VPS13D: variants seen among roughly 807,000 people sequenced by gnomAD.
VPS13D encodes intermembrane lipid transfer protein VPS13D.
In VPS13D, 187 loss-of-function variants were observed where a neutral mutation model predicts 461.9. That is an observed-to-expected ratio of 0.40 (90% CI 0.36 to 0.46). The LOEUF is 0.46. VPS13D is among the 20% of genes least tolerant of loss of function. The pLI is 0.60. For missense variants in VPS13D, 4,711 were observed against 5,364.9 expected (o/e 0.88, Z 3.81); for synonymous variants, 1,951 against 1,986.3 (o/e 0.98, Z 0.47).
chr1:12,249,939 C>T (rs1640681570), intron 6 of VPS13D, among the ~76,000 whole-genome samples: 2 of 152,152 alleles, frequency 1.3e-5, no homozygotes, highest in Non-Finnish European at 2.9e-5. Flanking sequence ...GGCTTAGTCC[C>T]ATAGGACCGC....
rs1375629806 is a variant in VPS13D, at chr1:12,244,431, T to C, written c.361T>C (p.Trp121Arg). The change falls in exon 4 of 70, where the codon TGG becomes CGG. Residue 121 changes from tryptophan (W) to arginine (R), a missense_variant. By Grantham distance (101) the Trp-to-Arg change is moderately radical. This residue lies in a region of VPS13D where 4,411 missense variants were observed against 4,937.8 expected (regional missense o/e 0.89). Transcript: ENST00000620676. ...KALLQALEEK[W>R]KNDRQQKGES... Reference sequence around the variant, plus strand: ...ACTACTTCAAGCCCTGGAGGAGAAATGGAAGGCAAGGCAGAGATCTTCTGG... The same window carrying C: ...ACTACTTCAAGCCCTGGAGGAGAAACGGAAGGCAAGGCAGAGATCTTCTGG... 1.2e-6 allele frequency: 2 copies of C among 1,613,832 alleles called. No homozygotes were observed. The highest frequency in any genetic ancestry group is 1.7e-6 in the Non-Finnish European group (2 of 1,179,950).
intron 22 of VPS13D, 143 bp downstream of exon 22, chr1:12,288,456 G>A: frequency 1.4e-6 from 1 of 709,974 alleles, no homozygotes; most frequent in Non-Finnish European, 2.4e-6. Flanking sequence ...CAGGATTCAT[G>A]GTGGTGGTTC....
chr1:12,443,487 G>A (rs547840311), intron 65 of VPS13D, among the ~76,000 whole-genome samples: 3 of 152,350 alleles, frequency 2.0e-5, no homozygotes, highest in Admixed American at 2.0e-4. Context: ...CATTATGGGA[G>A]TTACTTGATT....
At chr1:12,404,368 C>T (rs1007468539) in intron 63 of VPS13D, among the ~76,000 whole-genome samples, 3 of 151,972 alleles carry the variant, frequency 2.0e-5, no homozygotes, top group African/African-American at 4.8e-5. Flanking sequence ...TTTTTGTGCC[C>T]GAGGCCTGCT....
intron 31 of VPS13D, 69 bp downstream of exon 31, chr1:12,318,406 A>T: frequency 2.0e-6 from 3 of 1,533,664 alleles, no homozygotes; most frequent in Non-Finnish European, 2.6e-6. Context: ...GCCTTACAGG[A>T]TGATTGCTCT....
intron 17 of VPS13D, 106 bp downstream of exon 17, chr1:12,271,230 T>C (rs1054323019): frequency 2.9e-6 from 4 of 1,386,626 alleles, no homozygotes; most frequent in Non-Finnish European, 4.0e-6. Flanking sequence ...TCAATTATGC[T>C]GACTGAGTAA....
chr1:12,415,019 T>C (rs1644776334), intron 63 of VPS13D, 68 bp from the exon 64 acceptor site: 5 of 1,562,770 alleles, frequency 3.2e-6, no homozygotes, highest in African/African-American at 1.4e-5. Flanking sequence ...TAATGGAATC[T>C]AGAATTATAG....
chr1:12,477,924 G>A (rs1323969222), intron 67 of VPS13D, among the ~76,000 whole-genome samples: 2 of 152,172 alleles, frequency 1.3e-5, no homozygotes, highest in African/African-American at 4.8e-5. Flanking sequence ...TTGTATTAAG[G>A]GCAATCTTGC....
chr1:12,310,912 C>CCTCCCTCTCTCCCTCT, intron 27 of VPS13D, among the ~76,000 whole-genome samples: 1 of 119,324 alleles, frequency 8.4e-6, no homozygotes, highest in South Asian at 2.7e-4. Context: ...TCCCTCCTTC[C>CCTCCCTCTCTCCCTCT]CTCCCTCTCT....
At chr1:12,382,712 G>A (rs564035891) in intron 57 of VPS13D, among the ~76,000 whole-genome samples, 1 of 152,234 alleles carries the variant, frequency 6.6e-6, no homozygotes, top group South Asian at 2.1e-4. Flanking sequence ...CTAGTAAAAG[G>A]CAGAATTAAA....
At chr1:12,470,186 A>G (rs1645544062) in intron 67 of VPS13D, among the ~76,000 whole-genome samples, 1 of 152,246 alleles carries the variant, frequency 6.6e-6, no homozygotes, top group African/African-American at 2.4e-5. Context: ...AGGAGACTTC[A>G]AAGGGGAGAC....
rs78276732 is a variant in VPS13D, at chr1:12,282,381, C to G, written c.4603-324C>G. ...TTCTCAATCCTGTGGTGTATCCACG[C>G]CAGACTTTTGTCAACACTCTTCAGT... On this transcript the variant is annotated intron_variant, in intron 20 of 69. Coordinates refer to ENST00000620676, the MANE Select transcript of VPS13D (RefSeq NM_015378.4). Among the ~76,000 whole-genome samples the G allele has an allele frequency of 1.9e-3, 289 of 152,266 alleles. 5 individuals are homozygous for G. In the East Asian group the frequency reaches 0.047, roughly 25 times the overall value.
chr1:12,322,061 T>C (rs906155315), intron 33 of VPS13D, 97 bp downstream of exon 33: 2 of 1,432,746 alleles, frequency 1.4e-6, no homozygotes, highest in Non-Finnish European at 1.9e-6. Context: ...CCTCTTTTTT[T>C]GTTTTGTTTT....
rs755963566 is a variant in VPS13D at position 12,311,854 on chromosome 1, C to T, written c.6864C>T (p.Leu2288=). ...SGEVYTCMCF[L]IDMVNVSLEL... is the part of the protein sequence containing the mutation. ...AAGTGTACACCTGTATGTGCTTCCT[C>T]ATTGATATGGTGAATGTAAGTCTGG... is the stretch of plus-strand genomic sequence containing the variant. The change falls in exon 29 of 70, where the codon CTC becomes CTT. Residue 2288 remains leucine, a synonymous_variant. Coordinates refer to ENST00000620676, the MANE Select transcript of VPS13D (RefSeq NM_015378.4). The T allele has an allele frequency of 6.2e-7, 1 of 1,614,166 alleles. No individual in the cohort carries two copies. The highest frequency in any genetic ancestry group is 1.1e-5 in the South Asian group (1 of 91,088).
At chr1:12,278,760 G>T (rs570663794) in intron 19 of VPS13D, among the ~76,000 whole-genome samples, 1 of 152,202 alleles carries the variant, frequency 6.6e-6, no homozygotes. Flanking sequence ...AGGGGTTGAT[G>T]TAAATAGTTT....
At chr1:12,331,544 A>G (rs1359224641) in intron 37 of VPS13D, among the ~76,000 whole-genome samples, 1 of 146,830 alleles carries the variant, frequency 6.8e-6, no homozygotes, top group Non-Finnish European at 1.5e-5. Context: ...CATCTCTACT[A>G]AAAAAAAAAT....
intron 27 of VPS13D, 70 bp downstream of exon 27, chr1:12,308,711 G>A (rs992833742): frequency 4.9e-5 from 71 of 1,453,472 alleles, no homozygotes; most frequent in Middle Eastern, 4.5e-4. Flanking sequence ...GTGCAGTGGC[G>A]CAATCTTGGC....
At chr1:12,313,074 A>T (rs1173151957) in intron 29 of VPS13D, among the ~76,000 whole-genome samples, 1 of 152,082 alleles carries the variant, frequency 6.6e-6, no homozygotes, top group African/African-American at 2.4e-5. Flanking sequence ...TCTTTTCCAG[A>T]TAGAGTTTCT....
intron 63 of VPS13D, among the ~76,000 whole-genome samples, chr1:12,411,462 G>A (rs2100212099): frequency 6.9e-6 from 1 of 145,318 alleles, no homozygotes; most frequent in African/African-American, 2.5e-5. Context: ...GGGAGACCCT[G>A]TCTCTACAAA....
Sources: gnomAD v4.1 joint callset for allele counts (sites outside exome capture counted in the v4.1 genomes callset) on GRCh38, gnomAD v4.1.1 for gene constraint, gnomAD v4.1.1 regional missense constraint, MANE v1.5 for transcripts, NCBI Gene and HGNC (gene_info 2026-07-23, HGNC 2026-07-21) for gene names.